Variants in ACVR1C observed in about 807,000 individuals in gnomAD.
The protein encoded by ACVR1C is activin receptor type-1C.
Under a neutral mutation model 57.9 loss-of-function variants are expected in ACVR1C, and 23 were observed. The ratio of observed to expected loss-of-function variants is 0.40; its 90% CI spans 0.29 to 0.56. The LOEUF (loss-of-function observed/expected upper bound fraction) is 0.56. ACVR1C is among the 20% of genes least tolerant of loss of function. The pLI is 0.50. For missense variants in ACVR1C, 480 were observed against 607.9 expected (o/e 0.79, Z 2.21); for synonymous variants, 214 against 215.3 (o/e 0.99, Z 0.05).
chr2:157,620,826 G>A (rs952463887), intron 1 of ACVR1C, among the ~76,000 whole-genome samples: 26 of 151,780 alleles, frequency 1.7e-4, no homozygotes, highest in Non-Finnish European at 3.1e-4. Flanking sequence ...TTCTAGTCCC[G>A]TTTTTGATCA....
At position 157,527,216 on chromosome 2, in the gene ACVR1C, C is replaced by T. The variant is rs1687249010; in HGVS notation, c.*6702G>A. The T allele has an allele frequency of 6.6e-6, 1 of 152,138 alleles. No homozygotes were observed. The highest frequency in any genetic ancestry group is 6.6e-5 in the Admixed American group (1 of 15,260). The allele number at this position is 152,138 out of a possible 1,614,324, so 9.4% of individuals were successfully genotyped here. A position where few individuals can be genotyped will look rare whatever the true frequency, so the allele number is the denominator to read the frequency against. Reference sequence around the variant, plus strand: ...AATTACAACTACTAAAATCCATCTACATATTTTTGATACAGTTTATTGCCC... The same window carrying T: ...AATTACAACTACTAAAATCCATCTATATATTTTTGATACAGTTTATTGCCC... On this transcript the variant is annotated 3_prime_UTR_variant, in exon 9 of 9. Coordinates refer to ENST00000243349, the MANE Select transcript of ACVR1C (RefSeq NM_145259.3).
At chr2:157,534,149 T>C (rs1248698661) in intron 8 of ACVR1C, 106 bp from the exon 9 acceptor site, 17 of 1,138,994 alleles carry the variant, frequency 1.5e-5, no homozygotes, top group Non-Finnish European at 1.9e-5. Flanking sequence ...GCTTTTTTTT[T>C]TTTTTTAAGA....
chr2:157,621,111 G>A (rs1299592219), intron 1 of ACVR1C, among the ~76,000 whole-genome samples: 1 of 152,114 alleles, frequency 6.6e-6, no homozygotes, highest in East Asian at 1.9e-4. Context: ...ATAATAATAA[G>A]CCAAGCTCTT....
In ACVR1C at chr2:157,531,863, C is replaced by T. The variant is rs1687356761; in HGVS notation, c.*2055G>A. ...ACTGTCATGCAGAACTCAAGACATC[C>T]CACTTCGTATTTTATCTGTCAATTT... On this transcript the variant is annotated 3_prime_UTR_variant, in exon 9 of 9. Coordinates refer to ENST00000243349, the MANE Select transcript of ACVR1C (RefSeq NM_145259.3). The T allele has an allele frequency of 6.6e-6, 1 of 152,076 alleles. No homozygotes were observed. The highest frequency in any genetic ancestry group is 6.6e-5 in the Admixed American group (1 of 15,242). The allele number at this position is 152,076 out of a possible 1,614,324, so 9.4% of individuals were successfully genotyped here. A position where few individuals can be genotyped will look rare whatever the true frequency, so the allele number is the denominator to read the frequency against.
At chr2:157,610,583 G>A (rs921614299) in intron 1 of ACVR1C, among the ~76,000 whole-genome samples, 18 of 152,104 alleles carry the variant, frequency 1.2e-4, no homozygotes, top group African/African-American at 4.3e-4. Flanking sequence ...TAAATCTCTT[G>A]CTAGACTTGG....
intron 1 of ACVR1C, chr2:157,597,563 C>G: frequency 1.0e-6 from 1 of 985,454 alleles, no homozygotes; most frequent in Non-Finnish European, 1.2e-6. Flanking sequence ...AGCGCAACCC[C>G]CAGGAGACGT....
At chr2:157,591,666 G>A (rs374724994) in intron 1 of ACVR1C, among the ~76,000 whole-genome samples, 18 of 152,078 alleles carry the variant, frequency 1.2e-4, no homozygotes, top group East Asian at 7.7e-4. Context: ...CTCCTTGGAC[G>A]CTCTATTTCC....
chr2:157,550,267 A>G lies in ACVR1C; in HGVS notation c.670T>C (p.Phe224Leu), dbSNP rs1416079435. 3 of 1,614,156 alleles carry G rather than the reference A, an allele frequency of 1.9e-6. No homozygotes were observed. The highest frequency in any genetic ancestry group is 2.5e-6 in the Non-Finnish European group (3 of 1,180,032). ...WCGEDVAVKI[F>L]SSRDERSWFR... ...CAAGATCTTTCATCTCTGGAGGAGA[A>G]TATTTTCACAGCCACATCTTCCCCA... The change falls in exon 4 of 9, where the codon TTC becomes CTC. Residue 224 changes from phenylalanine to leucine, a missense_variant. By Grantham distance (22) the Phe-to-Leu change is conservative (BLOSUM62 0). Transcript: ENST00000243349.
At chr2:157,564,035 C>G (rs1373763330) in intron 2 of ACVR1C, among the ~76,000 whole-genome samples, 1 of 152,152 alleles carries the variant, frequency 6.6e-6, no homozygotes, top group African/African-American at 2.4e-5. Flanking sequence ...CTAAGCAATA[C>G]CATTCAGGAC....
At chr2:157,553,846 TC>T (rs746776504) in intron 3 of ACVR1C, among the ~76,000 whole-genome samples, 54 of 151,872 alleles carry the variant, frequency 3.6e-4, no homozygotes, top group Non-Finnish European at 7.1e-4. Flanking sequence ...AGTGTCAGAG[TC>T]AAAGAAGGAA....
chr2:157,608,117 G>C (rs1682447446), intron 1 of ACVR1C, among the ~76,000 whole-genome samples: 1 of 151,670 alleles, frequency 6.6e-6, no homozygotes. Flanking sequence ...GTTAGATGTT[G>C]GTTTGTCACA....
chr2:157,535,333 A>C (rs1249325472), intron 8 of ACVR1C, among the ~76,000 whole-genome samples: 2 of 152,086 alleles, frequency 1.3e-5, no homozygotes. Context: ...AAAATTCACA[A>C]ACACATGAGG....
chr2:157,536,708 A>G (rs772621661), intron 8 of ACVR1C, among the ~76,000 whole-genome samples: 7 of 152,086 alleles, frequency 4.6e-5, no homozygotes, highest in Non-Finnish European at 1.0e-4. Flanking sequence ...TTTGAGAGGT[A>G]AGAAGAAATG....
intron 2 of ACVR1C, 105 bp from the exon 3 acceptor site, chr2:157,556,437 A>G: frequency 1.4e-6 from 2 of 1,434,648 alleles, no homozygotes; most frequent in South Asian, 2.6e-5. Context: ...ATATTCAGCT[A>G]CACAGTATGC....
At chr2:157,555,085 C>T (rs1688064398) in intron 3 of ACVR1C, among the ~76,000 whole-genome samples, 1 of 148,944 alleles carries the variant, frequency 6.7e-6, no homozygotes, top group South Asian at 2.1e-4. Context: ...TATAATACAG[C>T]CTGGTACTTT....
chr2:157,533,750 C>T lies in ACVR1C; in HGVS notation c.*168G>A. The T allele has an allele frequency of 2.1e-6, 1 of 476,148 alleles. No homozygotes were observed. Among genetic ancestry groups the T allele is most frequent in the Non-Finnish European group, 3.3e-6 (1 of 303,398 alleles). 29.5% of individuals were successfully genotyped at this position (476,148 alleles called of 1,614,324 possible). A position where few individuals can be genotyped will look rare whatever the true frequency, so the allele number is the denominator to read the frequency against. On this transcript the variant is annotated 3_prime_UTR_variant, in exon 9 of 9. Transcript: ENST00000243349. ...AGAGATTGGATGAAGTCAACTCCTG[C>T]CCATGCTTAACTTTAGAGTTATCTT...
chr2:157,564,233 A>G (rs1401180193), intron 2 of ACVR1C, among the ~76,000 whole-genome samples: 12 of 152,240 alleles, frequency 7.9e-5, no homozygotes, highest in Non-Finnish European at 1.6e-4. Context: ...AAGGTCCAGT[A>G]TCCAGAATCT....
chr2:157,613,693 C>T (rs976896085), intron 1 of ACVR1C, among the ~76,000 whole-genome samples: 2 of 152,254 alleles, frequency 1.3e-5, no homozygotes, highest in African/African-American at 4.8e-5. Context: ...TTGAACCAGG[C>T]TTGCATTCCT....
chr2:157,562,301 A>T (rs983851314), intron 2 of ACVR1C, among the ~76,000 whole-genome samples: 38 of 124,286 alleles, frequency 3.1e-4, no homozygotes, highest in East Asian at 2.0e-3. Context: ...CTCAAAAAAA[A>T]AAAAATATAT....
Sources: allele counts gnomAD v4.1 joint callset (sites outside exome capture counted in the v4.1 genomes callset), GRCh38; gene constraint gnomAD v4.1.1; transcripts MANE v1.5; gene names NCBI Gene and HGNC (gene_info 2026-07-23, HGNC 2026-07-21).